The following STX2 variants were observed in gnomAD, a reference collection of about 807,000 sequenced individuals.
STX2 encodes the protein syntaxin-2.
Under a neutral mutation model 40.6 loss-of-function variants are expected in STX2, and 27 were observed. The ratio of observed to expected loss-of-function variants is 0.66; its 90% CI spans 0.49 to 0.92. The LOEUF is 0.92. Among genes scored for constraint, STX2 ranks in the 40% least tolerant of loss-of-function variants. The pLI, the probability that STX2 is intolerant of heterozygous loss-of-function variation, is 0.00. For missense variants in STX2, 328 were observed against 366.1 expected, an observed-to-expected ratio of 0.90 and a Z score of 0.85; for synonymous variants, 123 against 119.1, an observed-to-expected ratio of 1.03 and a Z score of -0.22.
chr12:130,790,538 T>C lies in STX2; in HGVS notation c.*1485A>G, dbSNP rs1338356052. 3 of 152,324 alleles carry C rather than the reference T, an allele frequency of 2.0e-5. No individual in the cohort carries two copies. Among genetic ancestry groups the C allele is most frequent in the Non-Finnish European group, 4.4e-5 (3 of 68,014 alleles). The allele number at this position is 152,324 out of a possible 1,614,324, so 9.4% of individuals were successfully genotyped here. A position where few individuals can be genotyped will look rare whatever the true frequency, so the allele number is the denominator to read the frequency against. On this transcript the variant is annotated 3_prime_UTR_variant, in exon 11 of 11. Coordinates refer to ENST00000392373, the MANE Select transcript of STX2 (RefSeq NM_194356.4). Reference sequence around the variant, plus strand: ...AAGTGATATTCTTCTACTAAAAAAATGAGCAATAAAAAGGTTTAATTATCA... The same window carrying C: ...AAGTGATATTCTTCTACTAAAAAAACGAGCAATAAAAAGGTTTAATTATCA...
In STX2 at chr12:130,810,839, T is replaced by C. The variant is rs1450184942; in HGVS notation, c.280+2118A>G. 2.0e-5 allele frequency: 3 copies of C among 152,272 alleles called. No homozygotes were observed. The East Asian group carries it at 5.8e-4, about 29-fold the overall frequency. 9.4% of individuals were successfully genotyped at this position (152,272 alleles called of 1,614,324 possible). On this transcript the variant is annotated intron_variant, in intron 4 of 10. Coordinates refer to ENST00000392373, the MANE Select transcript of STX2 (RefSeq NM_194356.4). ...CAACGCTGATCCTCTCTGTCCTCCA[T>C]GATCTGTGACCCAGAATGTGCTTTG...
intron 3 of STX2, among the ~76,000 whole-genome samples, chr12:130,819,905 G>A (rs927305233): frequency 6.6e-6 from 1 of 152,192 alleles, no homozygotes; most frequent in East Asian, 1.9e-4. Flanking sequence ...ATGAGACGGC[G>A]GCTCCAGAAA....
intron 4 of STX2, 81 bp from the exon 5 acceptor site, chr12:130,808,785 C>G (rs922702215): frequency 1.6e-6 from 2 of 1,225,458 alleles, no homozygotes; most frequent in African/African-American, 3.0e-5. Flanking sequence ...CCTTTTATTT[C>G]TTATCTTTGA....
rs1464665625 is a variant in STX2 at position 130,789,634 on chromosome 12, A to T, written c.*2389T>A. 6.5e-6 allele frequency: 1 copy of T among 152,688 alleles called. No homozygotes were observed. The highest frequency in any genetic ancestry group is 1.5e-5 in the Non-Finnish European group (1 of 68,052). 9.5% of individuals were successfully genotyped at this position (152,688 alleles called of 1,614,324 possible). On this transcript the variant is annotated 3_prime_UTR_variant, in exon 11 of 11. Coordinates refer to ENST00000392373, the MANE Select transcript of STX2 (RefSeq NM_194356.4). ...TAGAACAATTTATTAATTAATATGC[A>T]ATAAAATATCTCCCCAAAATCTTTC... is the stretch of plus-strand genomic sequence containing the variant.
chr12:130,796,167 T>C (rs759224688), intron 9 of STX2, 47 bp from the exon 10 acceptor site: 19 of 1,610,660 alleles, frequency 1.2e-5, no homozygotes, highest in South Asian at 5.5e-5. Flanking sequence ...GTTAATTTCA[T>C]ATTGCCACAT....
intron 1 of STX2, among the ~76,000 whole-genome samples, chr12:130,833,965 A>G (rs1952668718): frequency 6.6e-6 from 1 of 152,214 alleles, no homozygotes; most frequent in Admixed American, 6.5e-5. Flanking sequence ...CACTGGGGGA[A>G]GGGTGCAGGA....
rs1252185904 is a variant in STX2, at chr12:130,791,242, G to T, written c.*781C>A. 2 of 152,178 alleles carry T rather than the reference G, an allele frequency of 1.3e-5. No homozygotes were observed. Among genetic ancestry groups the T allele is most frequent in the African/African-American group, 4.8e-5 (2 of 41,426 alleles). The allele number at this position is 152,178 out of a possible 1,614,324, so 9.4% of individuals were successfully genotyped here. A position where few individuals can be genotyped will look rare whatever the true frequency, so the allele number is the denominator to read the frequency against. On this transcript the variant is annotated 3_prime_UTR_variant, in exon 11 of 11. Transcript: ENST00000392373. Reference sequence around the variant, plus strand: ...CCTGAGATCTAAAAGCTTCAGAACAGCCTGCCCGGTGACTCACGCCTGTAA... The same window carrying T: ...CCTGAGATCTAAAAGCTTCAGAACATCCTGCCCGGTGACTCACGCCTGTAA...
chr12:130,805,134 C>A (rs887103259), intron 6 of STX2, among the ~76,000 whole-genome samples: 8 of 152,172 alleles, frequency 5.3e-5, no homozygotes, highest in African/African-American at 1.9e-4. Flanking sequence ...ACTAACAGAT[C>A]CCTGAAGTCA....
intron 1 of STX2, among the ~76,000 whole-genome samples, chr12:130,830,787 G>C (rs1952530184): frequency 6.6e-6 from 1 of 152,184 alleles, no homozygotes; most frequent in South Asian, 2.1e-4. Flanking sequence ...CTTTCAGGCT[G>C]AGATAGTGCA....
intron 8 of STX2, among the ~76,000 whole-genome samples, chr12:130,800,722 C>T (rs1951192867): frequency 6.6e-6 from 1 of 152,234 alleles, no homozygotes; most frequent in South Asian, 2.1e-4. Context: ...TGATATACGC[C>T]TTTCCTTCTG....
At chr12:130,830,313 C>T (rs555510763) in intron 1 of STX2, among the ~76,000 whole-genome samples, 1 of 152,266 alleles carries the variant, frequency 6.6e-6, no homozygotes, top group East Asian at 1.9e-4. Flanking sequence ...CCATGGTGAC[C>T]GTCCCATGCT....
chr12:130,803,864 C>G (rs910257665), intron 6 of STX2, among the ~76,000 whole-genome samples: 2 of 151,932 alleles, frequency 1.3e-5, no homozygotes, highest in Admixed American at 1.3e-4. Flanking sequence ...TCCTTAAGCT[C>G]GATGTCAAAA....
chr12:130,799,681 G>A (rs1173828648), intron 8 of STX2, among the ~76,000 whole-genome samples: 1 of 152,094 alleles, frequency 6.6e-6, no homozygotes, highest in African/African-American at 2.4e-5. Context: ...GGGCGTAGTG[G>A]TGCAAACCTG....
At chr12:130,823,056 A>G (rs1207099779) in intron 2 of STX2, among the ~76,000 whole-genome samples, 6 of 152,176 alleles carry the variant, frequency 3.9e-5, no homozygotes, top group Non-Finnish European at 8.8e-5. Context: ...TAATCCCAGC[A>G]CTTTGGGAGC....
chr12:130,801,080 G>A lies in STX2; in HGVS notation c.675+73C>T, dbSNP rs781509811. On this transcript the variant is annotated intron_variant, in intron 8 of 10. Coordinates refer to ENST00000392373, the MANE Select transcript of STX2 (RefSeq NM_194356.4). Reference sequence around the variant, plus strand: ...ACAGCTTTCCTAGATACATCCACTAGACAGAGTGGGATGCAGTAAGATTTT... The same window carrying A: ...ACAGCTTTCCTAGATACATCCACTAAACAGAGTGGGATGCAGTAAGATTTT... 6 of 1,500,814 alleles carry A rather than the reference G, an allele frequency of 4.0e-6. No individual in the cohort carries two copies. In the African/African-American group the frequency reaches 8.3e-5, roughly 21 times the overall value. 93.0% of individuals were successfully genotyped at this position (1,500,814 alleles called of 1,614,324 possible). A position where few individuals can be genotyped will look rare whatever the true frequency, so the allele number is the denominator to read the frequency against.
chr12:130,790,000 C>T lies in STX2; in HGVS notation c.*2023G>A, dbSNP rs1375026744. 1.3e-5 allele frequency: 2 copies of T among 152,174 alleles called. No individual in the cohort carries two copies. Among genetic ancestry groups the T allele is most frequent in the Non-Finnish European group, 2.9e-5 (2 of 68,042 alleles). 9.4% of individuals were successfully genotyped at this position (152,174 alleles called of 1,614,324 possible). A position where few individuals can be genotyped will look rare whatever the true frequency, so the allele number is the denominator to read the frequency against. ...GACAGACCTTGAAGGAAAGGTGGGACATCACGGGAGGCAGGTCCCCCTGTG... is the reference window on the plus strand; with the variant it reads ...GACAGACCTTGAAGGAAAGGTGGGATATCACGGGAGGCAGGTCCCCCTGTG... On this transcript the variant is annotated 3_prime_UTR_variant, in exon 11 of 11. Transcript: ENST00000392373.
intron 2 of STX2, among the ~76,000 whole-genome samples, chr12:130,826,438 C>T (rs1018181025): frequency 2.0e-5 from 3 of 152,194 alleles, no homozygotes; most frequent in Admixed American, 1.3e-4. Context: ...CAGCCAGCAC[C>T]GGGTGGGAGA....
chr12:130,803,189 T>G (rs1951294184), intron 6 of STX2, among the ~76,000 whole-genome samples: 1 of 152,116 alleles, frequency 6.6e-6, no homozygotes, highest in Non-Finnish European at 1.5e-5. Flanking sequence ...TTTTGGGAGG[T>G]AATTCTCAAT....
chr12:130,812,272 T>C, intron 4 of STX2: 1 of 429,958 alleles, frequency 2.3e-6, no homozygotes, highest in Non-Finnish European at 4.6e-6. Context: ...TAATTGTGGT[T>C]GTGCTTTTGG....
Sources: gnomAD v4.1 joint callset for allele counts (sites outside exome capture counted in the v4.1 genomes callset) on GRCh38, gnomAD v4.1.1 for gene constraint, MANE v1.5 for transcripts, NCBI Gene and HGNC (gene_info 2026-07-23, HGNC 2026-07-21) for gene names.